MACROD2: variants seen among roughly 807,000 people sequenced by gnomAD.
MACROD2 encodes ADP-ribose glycohydrolase MACROD2.
A neutral mutation model predicts 70.4 loss-of-function variants in MACROD2; 36 were observed. The observed-to-expected ratio is 0.51, with a 90% CI of 0.39 to 0.68. The LOEUF is 0.68. MACROD2 is among the 30% of genes least tolerant of loss of function. The pLI, the probability that MACROD2 is intolerant of heterozygous loss-of-function variation, is 0.00. For synonymous variants in MACROD2, 172 were observed against 178.8 expected, an observed-to-expected ratio of 0.96 and a Z score of 0.30; for missense variants, 496 against 538.4, an observed-to-expected ratio of 0.92 and a Z score of 0.78.
chr20:14,250,164 G>GA (rs11477674), intron 3 of MACROD2, among the ~76,000 whole-genome samples: 10 of 150,446 alleles, frequency 6.6e-5, no homozygotes, highest in South Asian at 2.1e-4. Flanking sequence ...GCTTCATTCT[G>GA]AAAAAAAAAA....
intron 4 of MACROD2, among the ~76,000 whole-genome samples, chr20:14,620,274 A>G (rs112777115): frequency 3.9e-5 from 6 of 152,076 alleles, no homozygotes; most frequent in African/African-American, 1.4e-4. Context: ...AGTGACCCAT[A>G]TGTTTATGGC....
intron 5 of MACROD2, among the ~76,000 whole-genome samples, chr20:15,148,859 G>A (rs1283172280): frequency 2.0e-5 from 3 of 152,118 alleles, no homozygotes; most frequent in Admixed American, 6.5e-5. Context: ...TGAAGACTGA[G>A]GACCGTAAGG....
At chr20:15,351,147 A>G (rs1247038075) in intron 6 of MACROD2, among the ~76,000 whole-genome samples, 1 of 152,058 alleles carries the variant, frequency 6.6e-6, no homozygotes, top group African/African-American at 2.4e-5. Context: ...ACAGGGGAAG[A>G]TGTTAATAAG....
chr20:14,459,920 C>G (rs1291814092), intron 3 of MACROD2, among the ~76,000 whole-genome samples: 2 of 152,038 alleles, frequency 1.3e-5, no homozygotes, highest in Non-Finnish European at 2.9e-5. Context: ...GTTCCCTTCT[C>G]TGTGTCTATG....
intron 5 of MACROD2, among the ~76,000 whole-genome samples, chr20:14,835,952 A>G (rs976301212): frequency 2.0e-5 from 3 of 152,044 alleles, no homozygotes; most frequent in African/African-American, 7.2e-5. Context: ...CATTATGTCA[A>G]ATAACAACCT....
intron 3 of MACROD2, among the ~76,000 whole-genome samples, chr20:14,262,523 C>T (rs150270018): frequency 6.6e-6 from 1 of 152,244 alleles, no homozygotes; most frequent in African/African-American, 2.4e-5. Flanking sequence ...CTTAGTTGAC[C>T]ATCCGATTAC....
chr20:14,981,776 T>C (rs2122840673), intron 5 of MACROD2, among the ~76,000 whole-genome samples: 1 of 152,278 alleles, frequency 6.6e-6, no homozygotes, highest in Non-Finnish European at 1.5e-5. Flanking sequence ...CCTCTTTCTT[T>C]TGTAAATTGC....
chr20:14,543,253 G>T (rs1568662499), intron 4 of MACROD2, among the ~76,000 whole-genome samples: 3 of 152,050 alleles, frequency 2.0e-5, no homozygotes. Flanking sequence ...GGACATGCTG[G>T]ACAAAGTGAT....
At chr20:15,131,152 C>A (rs1179886244) in intron 5 of MACROD2, among the ~76,000 whole-genome samples, 1 of 152,004 alleles carries the variant, frequency 6.6e-6, no homozygotes, top group Non-Finnish European at 1.5e-5. Context: ...CATAGAGGTT[C>A]TAGATTAACC....
intron 6 of MACROD2, among the ~76,000 whole-genome samples, chr20:15,365,118 A>T (rs989715436): frequency 6.6e-6 from 1 of 152,076 alleles, no homozygotes; most frequent in Non-Finnish European, 1.5e-5. Flanking sequence ...ACCACACATT[A>T]GTTTTTAAAT....
intron 7 of MACROD2, among the ~76,000 whole-genome samples, chr20:15,449,493 G>A (rs2046612408): frequency 6.6e-6 from 1 of 152,126 alleles, no homozygotes; most frequent in African/African-American, 2.4e-5. Context: ...AATTAAAAAT[G>A]CCAGTATCCC....
chr20:14,882,717 G>C (rs955278404), intron 5 of MACROD2, among the ~76,000 whole-genome samples: 1 of 152,168 alleles, frequency 6.6e-6, no homozygotes, highest in Non-Finnish European at 1.5e-5. Flanking sequence ...ATAGATCAGA[G>C]TACGGCATTG....
At chr20:15,901,498 G>A (rs1036331890) in intron 10 of MACROD2, among the ~76,000 whole-genome samples, 6 of 152,114 alleles carry the variant, frequency 3.9e-5, no homozygotes, top group East Asian at 1.9e-4. Flanking sequence ...AACTGATACC[G>A]CACTCTAGAG....
intron 3 of MACROD2, among the ~76,000 whole-genome samples, chr20:14,373,575 C>T (rs1286441021): frequency 6.6e-6 from 1 of 152,092 alleles, no homozygotes; most frequent in Non-Finnish European, 1.5e-5. Flanking sequence ...TAATTTGCTT[C>T]CATTGAGTTA....
intron 6 of MACROD2, among the ~76,000 whole-genome samples, chr20:15,376,557 T>A (rs887608055): frequency 1.1e-4 from 17 of 152,324 alleles, no homozygotes; most frequent in African/African-American, 3.8e-4. Context: ...GTAAAGGCAG[T>A]CTTATTCCAT....
Position 14,978,290 on chromosome 20 carries a change from G to T in MACROD2, c.419-251650G>T, listed in dbSNP as rs114451223. Among the ~76,000 whole-genome samples the T allele has an allele frequency of 4.6e-3, 697 of 152,188 alleles. 7 individuals are homozygous for T. The highest frequency in any genetic ancestry group is 0.016 in the African/African-American group (667 of 41,514). ...TATCTATTCAGTACTAAATTATTCT[G>T]TATGAAAAGACAAGTACTGTGAAAC... On this transcript the variant is annotated intron_variant, in intron 5 of 17. Coordinates refer to ENST00000684519, the MANE Select transcript of MACROD2 (RefSeq NM_001351661.2).
intron 3 of MACROD2, among the ~76,000 whole-genome samples, chr20:14,138,485 G>T (rs2054828956): frequency 6.6e-6 from 1 of 152,050 alleles, no homozygotes; most frequent in East Asian, 1.9e-4. Flanking sequence ...TATGTTAAAT[G>T]AAGTAATTTA....
intron 5 of MACROD2, among the ~76,000 whole-genome samples, chr20:15,143,972 A>C (rs1295465549): frequency 2.0e-5 from 3 of 151,780 alleles, no homozygotes; most frequent in Non-Finnish European, 4.4e-5. Flanking sequence ...CAAAAAAAAA[A>C]AAACCTCATA....
chr20:15,949,715 G>A (rs1012298), intron 12 of MACROD2, among the ~76,000 whole-genome samples: 132,017 of 152,138 alleles, frequency 0.87, 57,703 homozygotes, highest in Non-Finnish European at 0.93. Context: ...ACCTAGAATG[G>A]AAGGTGCCTA....
Sources: gnomAD v4.1 joint callset for allele counts (sites outside exome capture counted in the v4.1 genomes callset) on GRCh38, gnomAD v4.1.1 for gene constraint, MANE v1.5 for transcripts, NCBI Gene and HGNC (gene_info 2026-07-23, HGNC 2026-07-21) for gene names.